The following PTBP2 variants were observed in gnomAD, a reference collection of about 807,000 sequenced individuals.
The protein encoded by PTBP2 is polypyrimidine tract binding protein 2.
PTBP2 carries 13 observed loss-of-function variants against 61.4 expected under a neutral mutation model. The ratio of observed to expected loss-of-function variants is 0.21; its 90% CI spans 0.14 to 0.34. The LOEUF (loss-of-function observed/expected upper bound fraction) is 0.34, where lower values mean the gene tolerates loss of function less well. Ranked by LOEUF, PTBP2 falls within the 10% of genes least tolerant of loss-of-function variation. PTBP2 has a pLI of 1.00. For missense variants in PTBP2, 405 were observed against 642.6 expected, an observed-to-expected ratio of 0.63 and a Z score of 4.00; for synonymous variants, 215 against 218.5, an observed-to-expected ratio of 0.98 and a Z score of 0.14.
intron 2 of PTBP2, among the ~76,000 whole-genome samples, chr1:96,738,333 G>T (rs1444849427): frequency 5.3e-5 from 8 of 151,996 alleles, no homozygotes; most frequent in Non-Finnish European, 7.4e-5. Context: ...TCGCTCTGTT[G>T]CCCAGGCTGG....
intron 2 of PTBP2, among the ~76,000 whole-genome samples, chr1:96,736,113 CAT>C (rs1249495178): frequency 2.0e-5 from 3 of 152,246 alleles, no homozygotes; most frequent in African/African-American, 7.2e-5. Flanking sequence ...GCCAAATTAT[CAT>C]ATAAGGAGAA....
Position 96,777,737 on chromosome 1 carries a change from T to C in PTBP2, c.585T>C (p.Asp195=). 6.3e-7 allele frequency: 1 copy of C among 1,599,168 alleles called. No homozygotes were observed. The highest frequency in any genetic ancestry group is 8.5e-7 in the Non-Finnish European group (1 of 1,172,212). The change falls in exon 6 of 14, where the codon GAT becomes GAC. Residue 195 remains aspartate, a synonymous_variant. Transcript: ENST00000674951. Reference sequence around the variant, plus strand: ...ACATGTACTACCCTGTAACACTTGATGTTCTTCACCAAGTAAGTTTAATCT... The same window carrying C: ...ACATGTACTACCCTGTAACACTTGACGTTCTTCACCAAGTAAGTTTAATCT... ...IDNMYYPVTL[D]VLHQIFSKFG... is the part of the protein sequence containing the mutation.
rs767579562 is a variant in PTBP2 at position 96,721,836 on chromosome 1, T to C, written c.-29T>C. On this transcript the variant is annotated 5_prime_UTR_variant, in exon 1 of 14. Transcript: ENST00000674951. ...GCTCGCTGGCTGCGTGGCTCGGTTC[T>C]TGTGAGCGAAGCTTTGTCCGGTTCG... 5 of 1,560,414 alleles carry C rather than the reference T, an allele frequency of 3.2e-6. No individual in the cohort carries two copies. In the East Asian group the frequency reaches 7.2e-5, roughly 22 times the overall value.
At chr1:96,818,452 G>T (rs1469463830), downstream of PTBP2, 1 of 151,802 alleles carries the variant, frequency 6.6e-6, no homozygotes, top group Non-Finnish European at 1.5e-5. Context: ...TTTATTCGTG[G>T]TCATAGTTGC....
chr1:96,802,569 T>G (rs1028715705), intron 8 of PTBP2, among the ~76,000 whole-genome samples: 7 of 152,208 alleles, frequency 4.6e-5, no homozygotes, highest in Non-Finnish European at 7.3e-5. Flanking sequence ...TTAAAGTGAT[T>G]TAATTTTTTT....
chr1:96,821,105 C>G (rs1662670606), exon 14 of PTBP2: 1 of 152,064 alleles, frequency 6.6e-6, no homozygotes, highest in South Asian at 2.1e-4. Flanking sequence ...TAGTACATGT[C>G]TTTTCTGTCT....
Position 96,776,243 on chromosome 1 carries a change from A to G in PTBP2, c.433-1342A>G, listed in dbSNP as rs150009812. Among the ~76,000 whole-genome samples, 186 of 152,190 alleles carry G rather than the reference A, an allele frequency of 1.2e-3. No individual in the cohort carries two copies. In the Middle Eastern group the frequency reaches 0.014, roughly 11 times the overall value. The stretch of plus-strand genomic sequence containing the variant: ...CACTAATGAAGAAGATAATATTGCA[A>G]TGAGCTACTTAAAATATTTAAATAC... On this transcript the variant is annotated intron_variant, in intron 5 of 13. Transcript: ENST00000674951.
Position 96,812,697 on chromosome 1 carries a change from GCTTT to G in PTBP2, c.1172-10_1172-7del, listed in dbSNP as rs1411846891. The G allele has an allele frequency of 6.6e-7, 1 of 1,521,096 alleles. No homozygotes were observed. The highest frequency in any genetic ancestry group is 9.1e-7 in the Non-Finnish European group (1 of 1,100,222). The allele number at this position is 1,521,096 out of a possible 1,614,324, so 94.2% of individuals were successfully genotyped here. Reference sequence around the variant, plus strand: ...TTTGATATTGTTTGTTAATAGACATGCTTTCTTTTTATAGCCATGAATCATCTTA... The same window carrying G: ...TTTGATATTGTTTGTTAATAGACATGCTTTTTATAGCCATGAATCATCTTA... On this transcript the variant is annotated splice_polypyrimidine_tract_variant and intron_variant, in intron 11 of 13. Coordinates refer to ENST00000674951, the MANE Select transcript of PTBP2 (RefSeq NM_021190.4).
intron 3 of PTBP2, among the ~76,000 whole-genome samples, chr1:96,763,666 A>G (rs1656314284): frequency 6.6e-6 from 1 of 151,598 alleles, no homozygotes; most frequent in Admixed American, 6.6e-5. Context: ...TTTAGGGATG[A>G]TATATAATGT....
intron 11 of PTBP2, among the ~76,000 whole-genome samples, chr1:96,807,877 AAG>A (rs1331947174): frequency 5.9e-5 from 9 of 152,194 alleles, no homozygotes; most frequent in African/African-American, 2.2e-4. Context: ...ATGTGTTTTA[AAG>A]AGATACGAAA....
intron 8 of PTBP2, among the ~76,000 whole-genome samples, chr1:96,795,582 A>T (rs2101125631): frequency 6.6e-6 from 1 of 152,346 alleles, no homozygotes; most frequent in South Asian, 2.1e-4. Flanking sequence ...TGTTATAGAT[A>T]AGATAAACAA....
chr1:96,739,288 T>C (rs550802545), intron 2 of PTBP2, among the ~76,000 whole-genome samples: 1 of 152,216 alleles, frequency 6.6e-6, no homozygotes, highest in Non-Finnish European at 1.5e-5. Flanking sequence ...TAACTTGATA[T>C]AAATCTTTTT....
chr1:96,777,241 T>C (rs1166498955), intron 5 of PTBP2, among the ~76,000 whole-genome samples: 1 of 152,176 alleles, frequency 6.6e-6, no homozygotes, highest in Admixed American at 6.5e-5. Context: ...AATGTTAAAG[T>C]TGTATTCTCT....
chr1:96,783,200 C>T (rs185259941), intron 7 of PTBP2, among the ~76,000 whole-genome samples: 44 of 152,056 alleles, frequency 2.9e-4, no homozygotes, highest in African/African-American at 1.0e-3. Context: ...TTTGTGGTCA[C>T]CTCCTTTAAC....
intron 3 of PTBP2, among the ~76,000 whole-genome samples, chr1:96,765,124 C>T (rs1028885746): frequency 6.6e-6 from 1 of 151,622 alleles, no homozygotes; most frequent in Non-Finnish European, 1.5e-5. Flanking sequence ...AGCTTAGAGT[C>T]TTTTTATTTT....
chr1:96,756,514 T>C (rs984093163), intron 3 of PTBP2, among the ~76,000 whole-genome samples: 2 of 152,222 alleles, frequency 1.3e-5, no homozygotes, highest in African/African-American at 4.8e-5. Context: ...CACCTTTCTT[T>C]ATAGTTGCCA....
chr1:96,778,836 A>G (rs1333549122), intron 7 of PTBP2, among the ~76,000 whole-genome samples: 1 of 151,982 alleles, frequency 6.6e-6, no homozygotes, highest in African/African-American at 2.4e-5. Flanking sequence ...CAATTGTTTC[A>G]TTGCATTTCC....
intron 10 of PTBP2, 35 bp from the exon 11 acceptor site, chr1:96,806,831 C>A (rs761645380): frequency 6.6e-7 from 1 of 1,516,006 alleles, no homozygotes; most frequent in Non-Finnish European, 9.1e-7. Context: ...AAATTAATTC[C>A]ATTTTTGGAT....
intron 2 of PTBP2, among the ~76,000 whole-genome samples, chr1:96,729,972 C>T (rs773518489): frequency 2.0e-5 from 3 of 151,992 alleles, no homozygotes; most frequent in Non-Finnish European, 2.9e-5. Flanking sequence ...TTGTGATCTG[C>T]CCGCCCTGCC....
Sources: gnomAD v4.1 joint callset for allele counts (sites outside exome capture counted in the v4.1 genomes callset) on GRCh38, gnomAD v4.1.1 for gene constraint, MANE v1.5 for transcripts, NCBI Gene and HGNC (gene_info 2026-07-23, HGNC 2026-07-21) for gene names.